The following CTTNBP2NL variants were observed in gnomAD, a reference collection of about 807,000 sequenced individuals.
CTTNBP2NL encodes the protein CTTNBP2 N-terminal-like protein.
In CTTNBP2NL, 16 loss-of-function variants were observed where a neutral mutation model predicts 32.5. The observed-to-expected ratio is 0.49, with a 90% confidence interval of 0.33 to 0.75. CTTNBP2NL has a LOEUF of 0.75. Among genes scored for constraint, CTTNBP2NL ranks in the 30% least tolerant of loss-of-function variants. CTTNBP2NL has a pLI of 0.02. For missense variants in CTTNBP2NL, 645 were observed against 756.0 expected, an observed-to-expected ratio of 0.85 and a Z score of 1.72; for synonymous variants, 298 against 289.4, an observed-to-expected ratio of 1.03 and a Z score of -0.30.
At chr1:112,422,443 C>T (rs1298216266) in intron 3 of CTTNBP2NL, among the ~76,000 whole-genome samples, 1 of 152,126 alleles carries the variant, frequency 6.6e-6, no homozygotes, top group East Asian at 1.9e-4. Context: ...ATTAAAGTTG[C>T]TGTGAACATT....
At chr1:112,431,701 A>G (rs900193809) in intron 3 of CTTNBP2NL, among the ~76,000 whole-genome samples, 3 of 152,226 alleles carry the variant, frequency 2.0e-5, no homozygotes, top group South Asian at 2.1e-4. Context: ...GGAATATTAT[A>G]TACTTTTTTT....
intron 4 of CTTNBP2NL, among the ~76,000 whole-genome samples, chr1:112,453,686 C>T (rs1650288609): frequency 6.6e-6 from 1 of 151,944 alleles, no homozygotes; most frequent in Non-Finnish European, 1.5e-5. Flanking sequence ...CTCGGGAGGC[C>T]AAGGCAGCAG....
Position 112,456,655 on chromosome 1 carries a change from A to C in CTTNBP2NL, c.1163A>C (p.Glu388Ala). Reference protein sequence around the residue: ...SVALAQEKPVENGGCPVGIET... With the variant: ...SVALAQEKPVANGGCPVGIET... ...GCATTGGCCCAAGAGAAACCAGTGG[A>C]GAATGGTGGGTGTCCTGTGGGGATT... Residue 388 changes from glutamate (E) to alanine (A), a missense_variant, in exon 6 of 6, where the codon GAG becomes GCG. By Grantham distance (107) the Glu-to-Ala change is moderately radical (BLOSUM62 -1). Coordinates refer to ENST00000271277, the MANE Select transcript of CTTNBP2NL (RefSeq NM_018704.3). 1 of 1,614,160 alleles carries C rather than the reference A, an allele frequency of 6.2e-7. No individual in the cohort carries two copies.
chr1:112,455,395 C>T (rs1167902581), intron 5 of CTTNBP2NL, among the ~76,000 whole-genome samples: 2 of 152,014 alleles, frequency 1.3e-5, no homozygotes, highest in Non-Finnish European at 2.9e-5. Flanking sequence ...CCCAGCTACC[C>T]GGGAGGCTGA....
chr1:112,417,152 T>G lies in CTTNBP2NL; in HGVS notation c.99+888T>G, dbSNP rs72983868. 3.1e-3 allele frequency among the ~76,000 whole-genome samples: 476 copies of G among 152,274 alleles called. 1 individual carries two copies. Among genetic ancestry groups the G allele is most frequent in the African/African-American group, 0.011 (457 of 41,542 alleles). The stretch of plus-strand genomic sequence containing the variant: ...ATGACCTCGTTTTCTCTTTTATAGT[T>G]TTACCGAGATAACCTGTCTGCTTTT... On this transcript the variant is annotated intron_variant, in intron 3 of 5. Coordinates refer to ENST00000271277, the MANE Select transcript of CTTNBP2NL (RefSeq NM_018704.3).
intron 3 of CTTNBP2NL, among the ~76,000 whole-genome samples, chr1:112,430,365 A>T (rs1227598578): frequency 6.6e-6 from 1 of 151,710 alleles, no homozygotes; most frequent in African/African-American, 2.4e-5. Context: ...AGCTGGGACT[A>T]TAGGCTTGCA....
intron 3 of CTTNBP2NL, among the ~76,000 whole-genome samples, chr1:112,434,290 T>C (rs951153438): frequency 6.6e-6 from 1 of 152,172 alleles, no homozygotes; most frequent in Non-Finnish European, 1.5e-5. Flanking sequence ...TATCACAGTC[T>C]CAGCATCCTT....
intron 3 of CTTNBP2NL, among the ~76,000 whole-genome samples, chr1:112,441,188 C>A (rs1436842024): frequency 6.6e-6 from 1 of 152,122 alleles, no homozygotes; most frequent in African/African-American, 2.4e-5. Flanking sequence ...GATCTTGTGC[C>A]CCTTCCCAGT....
chr1:112,437,917 G>A (rs1649784403), intron 3 of CTTNBP2NL, among the ~76,000 whole-genome samples: 1 of 152,156 alleles, frequency 6.6e-6, no homozygotes, highest in Non-Finnish European at 1.5e-5. Flanking sequence ...TGTTTACTCT[G>A]TTGATAGTTT....
rs1384980569 is a variant in CTTNBP2NL, at chr1:112,454,685, G to A, written c.438+129G>A. 8 of 713,874 alleles carry A rather than the reference G, an allele frequency of 1.1e-5. No individual in the cohort carries two copies. The African/African-American group carries it at 1.4e-4, about 13-fold the overall frequency. 44.2% of individuals were successfully genotyped at this position (713,874 alleles called of 1,614,324 possible). On this transcript the variant is annotated intron_variant, in intron 5 of 5. Coordinates refer to ENST00000271277, the MANE Select transcript of CTTNBP2NL (RefSeq NM_018704.3). ...TGGTCAAATAAGTTTAGGAACTACT[G>A]GATTAAGCAAAGTTAAACAGGTTTC...
At chr1:112,425,860 C>T (rs1255354652) in intron 3 of CTTNBP2NL, among the ~76,000 whole-genome samples, 1 of 152,108 alleles carries the variant, frequency 6.6e-6, no homozygotes, top group Non-Finnish European at 1.5e-5. Context: ...GAGACCCTGG[C>T]TCAATCAATC....
At chr1:112,402,654 G>A (rs779494922) in intron 1 of CTTNBP2NL, among the ~76,000 whole-genome samples, 1 of 152,190 alleles carries the variant, frequency 6.6e-6, no homozygotes, top group South Asian at 2.1e-4. Flanking sequence ...GTTACAGCAG[G>A]TGCTACAGAA....
At chr1:112,420,489 CAG>C (rs1649196469) in intron 3 of CTTNBP2NL, among the ~76,000 whole-genome samples, 1 of 151,340 alleles carries the variant, frequency 6.6e-6, no homozygotes, top group African/African-American at 2.4e-5. Context: ...TTTCTGGAGA[CAG>C]AGTCTTACTC....
rs1650526691 is a variant in CTTNBP2NL, at chr1:112,460,703, ATG to A, written c.*3293_*3294del. ...CTACTCCAGCGCTGTTGCTGCTGCA[ATG>A]TTAGCAAATGCAAGCCAGAGAGAAG... is the stretch of plus-strand genomic sequence containing the variant. On this transcript the variant is annotated 3_prime_UTR_variant, in exon 6 of 6. Coordinates refer to ENST00000271277, the MANE Select transcript of CTTNBP2NL (RefSeq NM_018704.3). 1 of 152,224 alleles carries A rather than the reference ATG, an allele frequency of 6.6e-6. No homozygotes were observed. The highest frequency in any genetic ancestry group is 2.4e-5 in the African/African-American group (1 of 41,464). 9.4% of individuals were successfully genotyped at this position (152,224 alleles called of 1,614,324 possible).
Position 112,436,506 on chromosome 1 carries a change from T to A in CTTNBP2NL, c.100-12436T>A, listed in dbSNP as rs114150180. 7.0e-3 allele frequency among the ~76,000 whole-genome samples: 1,069 copies of A among 152,238 alleles called. 10 individuals carry two copies. Among genetic ancestry groups the A allele is most frequent in the African/African-American group, 0.025 (1,025 of 41,530 alleles). ...TTCTTATCCATCCATATCCCAATCCTCTTTAGCACACTTCTTTTTTTTCTT... is the reference window on the plus strand; with the variant it reads ...TTCTTATCCATCCATATCCCAATCCACTTTAGCACACTTCTTTTTTTTCTT... On this transcript the variant is annotated intron_variant, in intron 3 of 5. Coordinates refer to ENST00000271277, the MANE Select transcript of CTTNBP2NL (RefSeq NM_018704.3).
At chr1:112,394,361 C>T (rs951978306), upstream of CTTNBP2NL, among the ~76,000 whole-genome samples, 2 of 152,130 alleles carry the variant, frequency 1.3e-5, no homozygotes, top group African/African-American at 4.8e-5. Flanking sequence ...TACACATAGG[C>T]AGAGCGAAAG....
chr1:112,406,322 G>A (rs17030229), intron 1 of CTTNBP2NL, among the ~76,000 whole-genome samples: 4,547 of 152,286 alleles, frequency 0.03, 241 homozygotes, highest in African/African-American at 0.1. Flanking sequence ...GTGAATCGTT[G>A]TTTAGCTGAG....
rs572843610 is a variant in CTTNBP2NL, at chr1:112,399,467, G to C, written c.-134+3195G>C. Among the ~76,000 whole-genome samples the C allele has an allele frequency of 7.2e-5, 11 of 152,224 alleles. No individual in the cohort carries two copies. In the South Asian group the frequency reaches 2.3e-3, roughly 32 times the overall value. On this transcript the variant is annotated intron_variant, in intron 1 of 5. Transcript: ENST00000271277. The stretch of plus-strand genomic sequence containing the variant: ...TAGGAACGGAGCACAGAACAGCCTT[G>C]GGTCCCTAAGTGTAATTATACAGGC...
Position 112,458,361 on chromosome 1 carries a change from C to A in CTTNBP2NL, c.*949C>A, listed in dbSNP as rs184625585. On this transcript the variant is annotated 3_prime_UTR_variant, in exon 6 of 6. Transcript: ENST00000271277. ...TTATACAAGTTTTACCAAATTGTTACACTTATTCTCCAAGCTGCCAGAACC... is the reference window on the plus strand; with the variant it reads ...TTATACAAGTTTTACCAAATTGTTAAACTTATTCTCCAAGCTGCCAGAACC... 99 of 152,644 alleles carry A rather than the reference C, an allele frequency of 6.5e-4. No individual in the cohort carries two copies. Among genetic ancestry groups the A allele is most frequent in the Non-Finnish European group, 1.0e-3 (71 of 68,012 alleles). The allele number at this position is 152,644 out of a possible 1,614,324, so 9.5% of individuals were successfully genotyped here. A position where few individuals can be genotyped will look rare whatever the true frequency, so the allele number is the denominator to read the frequency against.
Sources: gnomAD v4.1 joint callset for allele counts (sites outside exome capture counted in the v4.1 genomes callset) on GRCh38, gnomAD v4.1.1 for gene constraint, MANE v1.5 for transcripts, NCBI Gene and HGNC (gene_info 2026-07-23, HGNC 2026-07-21) for gene names.